Variants in ZNF317 observed in about 807,000 individuals in gnomAD.
ZNF317 encodes KRAB-containing zinc finger protein 317.
In ZNF317, 17 loss-of-function variants were observed where a neutral mutation model predicts 23.4. The observed-to-expected ratio is 0.73, with a 90% CI of 0.50 to 1.09. The LOEUF is 1.09. Among genes scored for constraint, ZNF317 ranks in the 50% least tolerant of loss-of-function variants. The pLI is 0.00. For synonymous variants in ZNF317, 317 were observed against 314.9 expected (o/e 1.01, Z -0.07); for missense variants, 679 against 796.7 (o/e 0.85, Z 1.78).
At chr19:9,155,548 A>C (rs1042999753) in intron 1 of ZNF317, among the ~76,000 whole-genome samples, 1 of 152,100 alleles carries the variant, frequency 6.6e-6, no homozygotes, top group Non-Finnish European at 1.5e-5. Context: ...TGGAGTTTGG[A>C]ACTCATGGTT....
At chr19:9,154,220 A>AT (rs528129768) in intron 1 of ZNF317, among the ~76,000 whole-genome samples, 2 of 151,940 alleles carry the variant, frequency 1.3e-5, no homozygotes, top group African/African-American at 2.4e-5. Flanking sequence ...AGAAAGCCTC[A>AT]TTTTTTTTCT....
At chr19:9,142,480 A>G (rs900637796) in intron 1 of ZNF317, among the ~76,000 whole-genome samples, 25 of 150,572 alleles carry the variant, frequency 1.7e-4, no homozygotes, top group African/African-American at 5.9e-4. Flanking sequence ...TATTAGGTCA[A>G]GGAAGCTCCC....
chr19:9,160,250 C>G lies in ZNF317; in HGVS notation c.605C>G (p.Ala202Gly), dbSNP rs529554441. 5.6e-6 allele frequency: 9 copies of G among 1,614,144 alleles called. No homozygotes were observed. The South Asian group carries it at 6.6e-5, about 12-fold the overall frequency. ...TATCACCGCCGCGACTATGGGGTAG[C>G]GTTCAAGGGCAGGCCGCACCTCACT... Reference protein sequence around the residue: ...RPYHRRDYGVAFKGRPHLTQH... With the variant: ...RPYHRRDYGVGFKGRPHLTQH... The change falls in exon 7 of 7, where the codon GCG (alanine) becomes GGG (glycine). Residue 202 changes from alanine (A) to glycine (G), a missense_variant. Transcript: ENST00000247956. This position sits in a 1 kb window ranked among gnomAD's most constrained non-coding sequence, Gnocchi z 6.8.
chr19:9,144,450 T>G (rs1218724244), intron 1 of ZNF317, among the ~76,000 whole-genome samples: 2 of 151,834 alleles, frequency 1.3e-5, no homozygotes, highest in African/African-American at 4.9e-5. Flanking sequence ...TTGTCTTCTG[T>G]TTTTTCTCTA....
intron 5 of ZNF317, 125 bp from the exon 6 acceptor site, chr19:9,158,700 AC>A (rs2050815087): frequency 1.5e-6 from 1 of 673,652 alleles, no homozygotes; most frequent in African/African-American, 1.8e-5. Context: ...AGATTTTTTA[AC>A]AATTGCTTTT....
In ZNF317 at chr19:9,161,315, C is replaced by T; in HGVS notation, c.1670C>T (p.Pro557Leu). 1 of 1,613,898 alleles carries T rather than the reference C, an allele frequency of 6.2e-7. No individual in the cohort carries two copies. The highest frequency in any genetic ancestry group is 2.2e-5 in the East Asian group (1 of 44,866). The stretch of plus-strand genomic sequence containing the variant: ...AGGCGGATCCACACCGGGGAGAAGC[C>T]CTACGAATGCCTTGTCTGCGGGAAA... ...VHRRIHTGEK[P>L]YECLVCGKAF... The change falls in exon 7 of 7, where the codon CCC (proline) becomes CTC (leucine). Residue 557 changes from proline (P) to leucine (L), a missense_variant. Pro to Leu is a moderately conservative substitution (Grantham distance 98). Transcript: ENST00000247956. The surrounding 1 kb of genome is among the most constrained non-coding windows in gnomAD (Gnocchi z 4.0).
intron 2 of ZNF317, 137 bp downstream of exon 2, chr19:9,156,178 C>T: frequency 9.1e-7 from 1 of 1,093,904 alleles, no homozygotes; most frequent in African/African-American, 1.6e-5. Flanking sequence ...GGAACAGAGC[C>T]CCAGCAGCCA....
chr19:9,158,271 G>C (rs967991166), intron 5 of ZNF317, among the ~76,000 whole-genome samples, 196 bp downstream of exon 5: 6 of 150,886 alleles, frequency 4.0e-5, no homozygotes, highest in Admixed American at 4.0e-4. Flanking sequence ...CCATTATTGG[G>C]CTCTTTGTCC....
rs1325084287 is a variant in ZNF317, at chr19:9,140,506, C to T, written c.-179C>T. On this transcript the variant is annotated 5_prime_UTR_variant, in exon 1 of 7. It adds an upstream start codon to the 5' untranslated region. Transcript: ENST00000247956. ...CTGTTGGGGACCCCTCGTGTCCCCA[C>T]GCCAGACTGGACCTCCCGTATGAAC... 2.2e-6 allele frequency: 1 copy of T among 456,476 alleles called. No individual in the cohort carries two copies. The highest frequency in any genetic ancestry group is 4.4e-6 in the Non-Finnish European group (1 of 226,938). The allele number at this position is 456,476 out of a possible 1,614,324, so 28.3% of individuals were successfully genotyped here.
chr19:9,160,236 C>T lies in ZNF317; in HGVS notation c.591C>T (p.Arg197=), dbSNP rs144830860. ...RHAGKRPYHR[R]DYGVAFKGRP... ...CTGGCAAGAGGCCCTATCACCGCCG[C>T]GACTATGGGGTAGCGTTCAAGGGCA... The change falls in exon 7 of 7, where the codon CGC becomes CGT. Residue 197 remains arginine, a synonymous_variant. Coordinates refer to ENST00000247956, the MANE Select transcript of ZNF317 (RefSeq NM_020933.5). The surrounding 1 kb of genome is among the most constrained non-coding windows in gnomAD (Gnocchi z 6.8). 3.7e-6 allele frequency: 6 copies of T among 1,614,130 alleles called. No homozygotes were observed. In the Admixed American group the frequency reaches 5.0e-5, roughly 13 times the overall value.
chr19:9,145,950 A>G (rs1340601939), intron 1 of ZNF317, among the ~76,000 whole-genome samples: 1 of 152,060 alleles, frequency 6.6e-6, no homozygotes, highest in Admixed American at 6.6e-5. Flanking sequence ...GTTCCAGGGG[A>G]CGCTTATGCA....
At chr19:9,157,228 G>A (rs752439173) in intron 3 of ZNF317, 40 bp from the exon 4 acceptor site, 1 of 1,608,494 alleles carries the variant, frequency 6.2e-7, no homozygotes, top group South Asian at 1.1e-5. Context: ...ACATCGTTAG[G>A]CTGGTTCCTC....
chr19:9,148,483 G>A (rs1326352006), intron 1 of ZNF317, among the ~76,000 whole-genome samples: 5 of 152,148 alleles, frequency 3.3e-5, no homozygotes, highest in Non-Finnish European at 7.3e-5. Context: ...CTAGTACCTG[G>A]ATTACTGTTT....
At chr19:9,140,678 G>T in intron 1 of ZNF317, 86 bp downstream of exon 1, 1 of 415,616 alleles carries the variant, frequency 2.4e-6, no homozygotes. Flanking sequence ...AAGAGGGTAC[G>T]AGGGTCGGGG....
intron 1 of ZNF317, among the ~76,000 whole-genome samples, chr19:9,146,455 T>C (rs1242928553): frequency 6.7e-6 from 1 of 149,560 alleles, no homozygotes; most frequent in Non-Finnish European, 1.5e-5. Context: ...AGGCAGTGTC[T>C]CATTTCTGTC....
chr19:9,157,789 T>A, intron 4 of ZNF317, 191 bp from the exon 5 acceptor site: 1 of 1,348,166 alleles, frequency 7.4e-7, no homozygotes, highest in Non-Finnish European at 9.5e-7. Flanking sequence ...GCTTTGCCTG[T>A]GGTTTTGTTT....
Position 9,160,874 on chromosome 19 carries a change from G to A in ZNF317, c.1229G>A (p.Arg410Lys). 1.9e-6 allele frequency: 3 copies of A among 1,614,174 alleles called. No homozygotes were observed. Among genetic ancestry groups the A allele is most frequent in the Non-Finnish European group, 2.5e-6 (3 of 1,180,022 alleles). The change falls in exon 7 of 7, where the codon AGG becomes AAG. Residue 410 changes from arginine to lysine, a missense_variant. By Grantham distance (26) the Arg-to-Lys change is conservative. Transcript: ENST00000247956. This position sits in a 1 kb window ranked among gnomAD's most constrained non-coding sequence, Gnocchi z 6.8. ...CTCGTGTCCCGGAGGAAACACATGA[G>A]GATTCACATCGTCAAGAAACCCGTG... Reference protein sequence around the residue: ...GDLVSRRKHMRIHIVKKPVEC... With the variant: ...GDLVSRRKHMKIHIVKKPVEC...
At chr19:9,151,666 T>G (rs1366583311) in intron 1 of ZNF317, among the ~76,000 whole-genome samples, 2 of 152,194 alleles carry the variant, frequency 1.3e-5, no homozygotes, top group African/African-American at 4.8e-5. Flanking sequence ...AATCATCTTT[T>G]CATGTGTTTA....
chr19:9,161,633 A>C lies in ZNF317; in HGVS notation c.*200A>C, dbSNP rs1200056834. The C allele has an allele frequency of 7.3e-6, 5 of 680,592 alleles. No individual in the cohort carries two copies. The highest frequency in any genetic ancestry group is 1.2e-5 in the Non-Finnish European group (5 of 420,522). The allele number at this position is 680,592 out of a possible 1,614,324, so 42.2% of individuals were successfully genotyped here. A position where few individuals can be genotyped will look rare whatever the true frequency, so the allele number is the denominator to read the frequency against. On this transcript the variant is annotated 3_prime_UTR_variant, in exon 7 of 7. Coordinates refer to ENST00000247956, the MANE Select transcript of ZNF317 (RefSeq NM_020933.5). The surrounding 1 kb of genome is among the most constrained non-coding windows in gnomAD (Gnocchi z 4.0). ...TTGTGAGAACTCACGCCGGGGGTGA[A>C]AATGTACGTCTGTAGCATGGAGAAG... is the stretch of plus-strand genomic sequence containing the variant.
Sources: allele counts gnomAD v4.1 joint callset (sites outside exome capture counted in the v4.1 genomes callset), GRCh38; gene constraint gnomAD v4.1.1; non-coding constraint Gnocchi (gnomAD v3.1); transcripts MANE v1.5; gene names NCBI Gene and HGNC (gene_info 2026-07-23, HGNC 2026-07-21).